ARGLU1: variants seen among roughly 807,000 people sequenced by gnomAD.
ARGLU1 encodes the protein arginine and glutamate rich 1.
A neutral mutation model predicts 37.6 loss-of-function variants in ARGLU1; 9 were observed. That is an observed-to-expected ratio of 0.24 (90% CI 0.14 to 0.42). The LOEUF (loss-of-function observed/expected upper bound fraction) is 0.42, where lower values mean the gene tolerates loss of function less well. Ranked by LOEUF, ARGLU1 falls within the 10% of genes least tolerant of loss-of-function variation. The pLI is 1.00. For synonymous variants in ARGLU1, 166 were observed against 138.5 expected, an observed-to-expected ratio of 1.20 and a Z score of -1.39; for missense variants, 211 against 359.2, an observed-to-expected ratio of 0.59 and a Z score of 3.34.
At chr13:106,547,821 A>C (rs1445883323) in intron 3 of ARGLU1, among the ~76,000 whole-genome samples, 1 of 152,152 alleles carries the variant, frequency 6.6e-6, no homozygotes, top group Non-Finnish European at 1.5e-5. Context: ...TTCCTAAAAA[A>C]ACAAAATTTG....
intron 2 of ARGLU1, chr13:106,558,193 C>T (rs1029480611): frequency 1.0e-6 from 1 of 984,958 alleles, no homozygotes; most frequent in African/African-American, 1.7e-5. Flanking sequence ...ATTAATAACT[C>T]GCTACAAGAC....
intron 1 of ARGLU1, among the ~76,000 whole-genome samples, chr13:106,564,530 T>G (rs762522719): frequency 1.4e-3 from 207 of 152,222 alleles, no homozygotes; most frequent in Non-Finnish European, 2.2e-3. Context: ...CTAGATTTCT[T>G]GTAAGGGCAC....
intron 1 of ARGLU1, among the ~76,000 whole-genome samples, chr13:106,560,157 T>C (rs112704088): frequency 1.5e-3 from 234 of 152,328 alleles, no homozygotes; most frequent in Non-Finnish European, 1.9e-3. Context: ...GCTGGACTAA[T>C]AGTGCGTAGT....
At position 106,552,403 on chromosome 13, in the gene ARGLU1, TTATCAATC is replaced by T. The variant is rs576045673; in HGVS notation, c.657+4637_657+4644del. 2.2e-3 allele frequency among the ~76,000 whole-genome samples: 338 copies of T among 152,328 alleles called. 2 individuals are homozygous for T. The South Asian group carries it at 0.036, about 16-fold the overall frequency. On this transcript the variant is annotated intron_variant, in intron 3 of 3. Coordinates refer to ENST00000400198, the MANE Select transcript of ARGLU1 (RefSeq NM_018011.4). ...ATGTTACCTAAAATTTTATTAGAAATTATCAATCTATCAATCTATTATTATAGTTTAGG... is the reference window on the plus strand; with the variant it reads ...ATGTTACCTAAAATTTTATTAGAAATTATCAATCTATTATTATAGTTTAGG...
At chr13:106,545,234 CAA>C (rs1880360794) in intron 3 of ARGLU1, among the ~76,000 whole-genome samples, 1 of 152,130 alleles carries the variant, frequency 6.6e-6, no homozygotes, top group Admixed American at 6.5e-5. Context: ...CAATCAGTGC[CAA>C]AATTGAGAAA....
At chr13:106,558,848 GA>G (rs1156421843) in intron 2 of ARGLU1, 3 of 985,260 alleles carry the variant, frequency 3.0e-6, no homozygotes, top group Non-Finnish European at 3.6e-6. Context: ...AACACATTAG[GA>G]AAATGGAGGG....
In ARGLU1 at chr13:106,542,682, C is replaced by T. The variant is rs1566468823; in HGVS notation, c.*1314G>A. 1 of 152,042 alleles carries T rather than the reference C, an allele frequency of 6.6e-6. No individual in the cohort carries two copies. The highest frequency in any genetic ancestry group is 1.5e-5 in the Non-Finnish European group (1 of 67,970). The allele number at this position is 152,042 out of a possible 1,614,324, so 9.4% of individuals were successfully genotyped here. On this transcript the variant is annotated 3_prime_UTR_variant, in exon 4 of 4. Transcript: ENST00000400198. Reference sequence around the variant, plus strand: ...TAAAAATATTTTCTCTACTTGATGACATGTTTATGCATCTCAGGTAGCATT... The same window carrying T: ...TAAAAATATTTTCTCTACTTGATGATATGTTTATGCATCTCAGGTAGCATT...
At chr13:106,561,183 G>C (rs770108696) in intron 1 of ARGLU1, among the ~76,000 whole-genome samples, 6 of 152,078 alleles carry the variant, frequency 3.9e-5, no homozygotes, top group Admixed American at 6.6e-5. Context: ...GAGAGAGCAG[G>C]TATCTTCCCC....
chr13:106,553,650 G>A (rs535494115), intron 3 of ARGLU1, among the ~76,000 whole-genome samples: 8 of 152,058 alleles, frequency 5.3e-5, no homozygotes, highest in South Asian at 4.2e-4. Context: ...GAAAAGAGGG[G>A]GACATTTCTT....
rs1305584950 is a variant in ARGLU1 at position 106,557,425 on chromosome 13, C to T, written c.574-294G>A. On this transcript the variant is annotated intron_variant, in intron 2 of 3. Coordinates refer to ENST00000400198, the MANE Select transcript of ARGLU1 (RefSeq NM_018011.4). This position sits in a 1 kb window ranked among gnomAD's most constrained non-coding sequence, Gnocchi z 5.0. ...CAAATCAACAAGGACAACTACAAAA[C>T]TGGATAGTATTTACCAAATTAAAAA... The T allele has an allele frequency of 9.0e-6, 6 of 667,788 alleles. No homozygotes were observed. The highest frequency in any genetic ancestry group is 7.9e-5 in the Admixed American group (2 of 25,252). 41.4% of individuals were successfully genotyped at this position (667,788 alleles called of 1,614,324 possible).
In ARGLU1 at chr13:106,549,647, G is replaced by A. The variant is rs60964222; in HGVS notation, c.658-5487C>T. On this transcript the variant is annotated intron_variant, in intron 3 of 3. Coordinates refer to ENST00000400198, the MANE Select transcript of ARGLU1 (RefSeq NM_018011.4). ...TCTAATATGCCAAACCATCATTACA[G>A]GATATCATTAGCTACCATCTAAATT... Among the ~76,000 whole-genome samples, 1,042 of 152,160 alleles carry A rather than the reference G, an allele frequency of 6.8e-3. 6 individuals are homozygous for A. Among genetic ancestry groups the A allele is most frequent in the African/African-American group, 0.022 (927 of 41,500 alleles).
At chr13:106,546,525 A>G (rs1880394118) in intron 3 of ARGLU1, among the ~76,000 whole-genome samples, 1 of 152,182 alleles carries the variant, frequency 6.6e-6, no homozygotes, top group African/African-American at 2.4e-5. Flanking sequence ...TACAACAAAA[A>G]GAACTGCCTG....
In ARGLU1 at chr13:106,559,672, G is replaced by A. The variant is rs1319430476; in HGVS notation, c.348-15C>T. ...CTTGCTGTCGACTAGCAAACAAAGT[G>A]AAAAAAACAAGTTAGGTATTTACTT... On this transcript the variant is annotated splice_polypyrimidine_tract_variant and intron_variant, in intron 1 of 3. Coordinates refer to ENST00000400198, the MANE Select transcript of ARGLU1 (RefSeq NM_018011.4). The A allele has an allele frequency of 1.1e-5, 18 of 1,590,800 alleles. No individual in the cohort carries two copies. The Admixed American group carries it at 1.6e-4, about 15-fold the overall frequency.
At chr13:106,564,313 CT>C (rs1359612701) in intron 1 of ARGLU1, among the ~76,000 whole-genome samples, 3 of 152,174 alleles carry the variant, frequency 2.0e-5, no homozygotes, top group Non-Finnish European at 4.4e-5. Context: ...GTATCACCTA[CT>C]TTAAATACAT....
rs1472062566 is a variant in ARGLU1 at position 106,557,430 on chromosome 13, T to A, written c.574-299A>T. Reference sequence around the variant, plus strand: ...CAACAAGGACAACTACAAAACTGGATAGTATTTACCAAATTAAAAAAATAA... The same window carrying A: ...CAACAAGGACAACTACAAAACTGGAAAGTATTTACCAAATTAAAAAAATAA... On this transcript the variant is annotated intron_variant, in intron 2 of 3. Coordinates refer to ENST00000400198, the MANE Select transcript of ARGLU1 (RefSeq NM_018011.4). The surrounding 1 kb of genome is among the most constrained non-coding windows in gnomAD (Gnocchi z 5.0). 2 of 682,914 alleles carry A rather than the reference T, an allele frequency of 2.9e-6. No homozygotes were observed. The highest frequency in any genetic ancestry group is 3.8e-5 in the African/African-American group (2 of 53,320). The allele number at this position is 682,914 out of a possible 1,614,324, so 42.3% of individuals were successfully genotyped here.
intron 1 of ARGLU1, among the ~76,000 whole-genome samples, chr13:106,561,139 T>C (rs1880788912): frequency 6.6e-6 from 1 of 152,180 alleles, no homozygotes; most frequent in African/African-American, 2.4e-5. Context: ...CTCAGGACTT[T>C]GTTGTTTGAA....
intron 1 of ARGLU1, among the ~76,000 whole-genome samples, chr13:106,563,759 A>C (rs1244105004): frequency 6.6e-6 from 1 of 152,218 alleles, no homozygotes; most frequent in Non-Finnish European, 1.5e-5. Flanking sequence ...ATTTTCTCCT[A>C]AAAGCTCTTC....
At position 106,567,475 on chromosome 13, in the gene ARGLU1, G is replaced by A; in HGVS notation, c.347+98C>T. The A allele has an allele frequency of 4.7e-6, 4 of 847,228 alleles. No individual in the cohort carries two copies. Among genetic ancestry groups the A allele is most frequent in the Non-Finnish European group, 7.1e-6 (4 of 561,070 alleles). 52.5% of individuals were successfully genotyped at this position (847,228 alleles called of 1,614,324 possible). A position where few individuals can be genotyped will look rare whatever the true frequency, so the allele number is the denominator to read the frequency against. On this transcript the variant is annotated intron_variant, in intron 1 of 3. Transcript: ENST00000400198. This position sits in a 1 kb window ranked among gnomAD's most constrained non-coding sequence, Gnocchi z 4.3. ...CGGTCCCCAGCCCCGGACCGTCCCC[G>A]CCATTCTCCCGGCCCGCACCGTCCC...
intron 3 of ARGLU1, among the ~76,000 whole-genome samples, chr13:106,546,257 A>C (rs1292531283): frequency 1.3e-5 from 2 of 151,976 alleles, no homozygotes; most frequent in East Asian, 1.9e-4. Flanking sequence ...ACCACTGCTC[A>C]CTCTTTCTTG....
Sources: allele counts gnomAD v4.1 joint callset (sites outside exome capture counted in the v4.1 genomes callset), GRCh38; gene constraint gnomAD v4.1.1; non-coding constraint Gnocchi (gnomAD v3.1); transcripts MANE v1.5; gene names NCBI Gene and HGNC (gene_info 2026-07-23, HGNC 2026-07-21).